Variants in NAV3 observed in about 807,000 individuals in gnomAD.
NAV3 encodes neuron navigator 3, also known as pore membrane and/or filament interacting like protein 1.
Under a neutral mutation model 244.7 loss-of-function variants are expected in NAV3, and 87 were observed. The ratio of observed to expected loss-of-function variants is 0.36; its 90% confidence interval spans 0.30 to 0.42. NAV3 has a LOEUF of 0.42. Among genes scored for constraint, NAV3 ranks in the 20% least tolerant of loss-of-function variants. NAV3 has a pLI of 1.00. For synonymous variants in NAV3, 1,126 were observed against 1,042.2 expected (o/e 1.08, Z -1.55); for missense variants, 2,663 against 2,893.3 (o/e 0.92, Z 1.83).
chr12:77,795,698 C>T (rs1377456471), intron 2 of NAV3, among the ~76,000 whole-genome samples: 1 of 152,120 alleles, frequency 6.6e-6, no homozygotes, highest in East Asian at 1.9e-4. Flanking sequence ...GGTAGGCTGA[C>T]TCTAACGTTA....
chr12:78,128,682 T>G (rs759632157), intron 17 of NAV3, 24 bp from the exon 18 acceptor site: 1 of 1,608,090 alleles, frequency 6.2e-7, no homozygotes, highest in Non-Finnish European at 8.5e-7. Flanking sequence ...TGTGCTTAAG[T>G]GTCATAGCTG....
intron 10 of NAV3, among the ~76,000 whole-genome samples, 187 bp from the exon 11 acceptor site, chr12:78,050,577 C>T (rs541126707): frequency 6.2e-4 from 94 of 152,168 alleles, no homozygotes; most frequent in African/African-American, 1.5e-3. Flanking sequence ...TGAAAACAAA[C>T]GAAAAGCTAT....
intron 38 of NAV3, among the ~76,000 whole-genome samples, chr12:78,201,961 A>G (rs1227120157): frequency 6.6e-6 from 1 of 151,960 alleles, no homozygotes; most frequent in Admixed American, 6.6e-5. Flanking sequence ...GTTCTGGTGA[A>G]CATGATGAAT....
chr12:77,715,716 A>G (rs1380449980), intron 2 of NAV3, among the ~76,000 whole-genome samples: 2 of 152,028 alleles, frequency 1.3e-5, no homozygotes, highest in Non-Finnish European at 2.9e-5. Flanking sequence ...TCATTACGAA[A>G]CAGGCACATA....
intron 4 of NAV3, among the ~76,000 whole-genome samples, chr12:77,968,127 C>T (rs1034444481): frequency 6.6e-6 from 1 of 152,152 alleles, no homozygotes; most frequent in Non-Finnish European, 1.5e-5. Flanking sequence ...TTCTCCAGTT[C>T]GTAGCCACTG....
chr12:77,595,504 A>G (rs1592487261), intron 2 of NAV3, among the ~76,000 whole-genome samples: 1 of 152,300 alleles, frequency 6.6e-6, no homozygotes, highest in East Asian at 1.9e-4. Context: ...TGTATACTCA[A>G]GATTTGCCAA....
intron 2 of NAV3, among the ~76,000 whole-genome samples, chr12:77,634,631 A>G (rs935290261): frequency 3.3e-5 from 5 of 152,206 alleles, no homozygotes; most frequent in African/African-American, 9.6e-5. Flanking sequence ...AAAATTTTAG[A>G]ACAGGTGTCG....
intron 24 of NAV3, 114 bp from the exon 25 acceptor site, chr12:78,175,192 T>C: frequency 8.6e-7 from 1 of 1,164,590 alleles, no homozygotes; most frequent in Non-Finnish European, 1.2e-6. Flanking sequence ...AAATTATCTG[T>C]ACAAAGCCTT....
chr12:78,146,714 T>C (rs1307585733), intron 21 of NAV3, among the ~76,000 whole-genome samples: 3 of 152,026 alleles, frequency 2.0e-5, no homozygotes, highest in Non-Finnish European at 4.4e-5. Context: ...ACAGTCTTTT[T>C]CCCACTCCCT....
chr12:78,143,464 CTACTAAAAA>C lies in NAV3; in HGVS notation c.4684-2901_4684-2893del, dbSNP rs1273994143. On this transcript the variant is annotated intron_variant, in intron 20 of 39. Coordinates refer to ENST00000397909, the MANE Select transcript of NAV3 (RefSeq NM_001024383.2). Reference sequence around the variant, plus strand: ...TGGCCAACATGGCAAAACCCCGTCTCTACTAAAAATACAGAAATTAGCCCGGTGTAGTGG... The same window carrying C: ...TGGCCAACATGGCAAAACCCCGTCTCTACAGAAATTAGCCCGGTGTAGTGG... 3 of 377,440 alleles carry C rather than the reference CTACTAAAAA, an allele frequency of 7.9e-6. No individual in the cohort carries two copies. The Admixed American group carries it at 1.0e-4, about 13-fold the overall frequency. 23.4% of individuals were successfully genotyped at this position (377,440 alleles called of 1,614,324 possible). A position where few individuals can be genotyped will look rare whatever the true frequency, so the allele number is the denominator to read the frequency against.
intron 1 of NAV3, among the ~76,000 whole-genome samples, chr12:77,878,512 AACC>A (rs1023524215): frequency 7.6e-4 from 116 of 152,226 alleles, no homozygotes; most frequent in African/African-American, 2.7e-3. Context: ...TACAGGCGTG[AACC>A]ACCACACCCA....
intron 2 of NAV3, among the ~76,000 whole-genome samples, chr12:77,784,079 T>C (rs770721022): frequency 3.9e-5 from 6 of 152,132 alleles, no homozygotes; most frequent in Non-Finnish European, 7.4e-5. Flanking sequence ...TAAGCAATAA[T>C]ACTAATTTAA....
intron 22 of NAV3, among the ~76,000 whole-genome samples, chr12:78,158,145 T>G (rs1272276228): frequency 6.6e-6 from 1 of 152,188 alleles, no homozygotes; most frequent in Non-Finnish European, 1.5e-5. Context: ...AGATATATTT[T>G]ATTTAAGTCA....
chr12:77,605,361 C>T (rs1870625126), intron 2 of NAV3, among the ~76,000 whole-genome samples: 5 of 152,052 alleles, frequency 3.3e-5, no homozygotes, highest in Admixed American at 2.6e-4. Flanking sequence ...GTCCTTTGCC[C>T]ACTTTTCTTT....
chr12:77,982,055 A>T (rs181021696), intron 5 of NAV3, among the ~76,000 whole-genome samples: 27 of 152,316 alleles, frequency 1.8e-4, no homozygotes, highest in African/African-American at 5.5e-4. Flanking sequence ...TGTAATGTCA[A>T]AGATTGTCTT....
chr12:78,171,232 A>G (rs879567228), intron 24 of NAV3, among the ~76,000 whole-genome samples: 1 of 151,686 alleles, frequency 6.6e-6, no homozygotes, highest in Non-Finnish European at 1.5e-5. Flanking sequence ...GCATATTTAA[A>G]GCTTATCTTA....
chr12:78,187,096 A>G (rs898318332), intron 31 of NAV3, among the ~76,000 whole-genome samples: 15 of 151,980 alleles, frequency 9.9e-5, no homozygotes, highest in African/African-American at 3.6e-4. Flanking sequence ...AGACACAAAT[A>G]TCATTTCATA....
In NAV3 at chr12:78,179,686, G is replaced by T. The variant is rs757236314; in HGVS notation, c.5517+4G>T. The T allele has an allele frequency of 1.9e-5, 31 of 1,603,728 alleles. No homozygotes were observed. Among genetic ancestry groups the T allele is most frequent in the Non-Finnish European group, 2.6e-5 (31 of 1,175,190 alleles). On this transcript the variant is annotated splice_donor_region_variant and intron_variant, in intron 29 of 39. Coordinates refer to ENST00000397909, the MANE Select transcript of NAV3 (RefSeq NM_001024383.2). ...GGAAGCCATGAACCGGATGCAGGTT[G>T]GTACTGAAGCACTTTCAAGGAATAA...
chr12:77,578,560 G>A (rs1041095721), intron 2 of NAV3, among the ~76,000 whole-genome samples: 7 of 152,120 alleles, frequency 4.6e-5, no homozygotes, highest in African/African-American at 1.7e-4. Flanking sequence ...TACAGTTCTG[G>A]TATTCATATT....
Sources: allele counts gnomAD v4.1 joint callset (sites outside exome capture counted in the v4.1 genomes callset), GRCh38; gene constraint gnomAD v4.1.1; transcripts MANE v1.5; gene names NCBI Gene and HGNC (gene_info 2026-07-23, HGNC 2026-07-21).